PYROXD2: variants seen among roughly 807,000 people sequenced by gnomAD.
PYROXD2 encodes the protein pyridine nucleotide-disulfide oxidoreductase domain-containing protein 2.
A neutral mutation model predicts 71.1 loss-of-function variants in PYROXD2; 69 were observed. That is an observed-to-expected ratio of 0.97 (90% confidence interval 0.80 to 1.19). The LOEUF (loss-of-function observed/expected upper bound fraction) is 1.19. Among genes scored for constraint, PYROXD2 ranks in the 50% most tolerant of loss-of-function variants. The pLI is 0.00. For missense variants in PYROXD2, 745 were observed against 748.9 expected (o/e 0.99, Z 0.06); for synonymous variants, 287 against 302.7 (o/e 0.95, Z 0.54).
intron 4 of PYROXD2, among the ~76,000 whole-genome samples, chr10:98,406,086 G>A (rs922451415): frequency 6.6e-6 from 1 of 152,182 alleles, no homozygotes; most frequent in African/African-American, 2.4e-5. Context: ...AAAACAAGGT[G>A]CTCCAGATGG....
At chr10:98,386,546 C>CTTTTTT (rs112385802) in intron 14 of PYROXD2, among the ~76,000 whole-genome samples, 153 of 147,808 alleles carry the variant, frequency 1.0e-3, no homozygotes, top group African/African-American at 3.7e-3. Flanking sequence ...CTTTCTTTTG[C>CTTTTTT]TTTTTTTTTA....
intron 2 of PYROXD2, among the ~76,000 whole-genome samples, chr10:98,410,422 C>G (rs1843745783): frequency 6.6e-6 from 1 of 152,194 alleles, no homozygotes; most frequent in Admixed American, 6.5e-5. Context: ...GGACAGGGCA[C>G]AGGCCCTTCT....
intron 6 of PYROXD2, among the ~76,000 whole-genome samples, chr10:98,396,128 T>C (rs1353670555): frequency 6.6e-6 from 1 of 152,214 alleles, no homozygotes; most frequent in Admixed American, 6.5e-5. Flanking sequence ...AATGTATAAG[T>C]CTGCAGTGCC....
chr10:98,404,741 C>T (rs1843536863), intron 4 of PYROXD2, among the ~76,000 whole-genome samples: 1 of 151,870 alleles, frequency 6.6e-6, no homozygotes, highest in Admixed American at 6.6e-5. Flanking sequence ...GTGTGGTTCT[C>T]AAAGTTATGT....
chr10:98,389,645 C>T (rs770615391), intron 12 of PYROXD2, among the ~76,000 whole-genome samples: 5 of 152,160 alleles, frequency 3.3e-5, no homozygotes, highest in East Asian at 1.9e-4. Context: ...TCTGTCTGGA[C>T]GTTTTTTCCC....
At chr10:98,413,115 A>T (rs1843843535) in intron 1 of PYROXD2, among the ~76,000 whole-genome samples, 1 of 152,248 alleles carries the variant, frequency 6.6e-6, no homozygotes, top group Admixed American at 6.5e-5. Flanking sequence ...ACATATCTGC[A>T]TGGTGGACAC....
Position 98,388,501 on chromosome 10 carries a change from TCA to T in PYROXD2, c.1298_1299del (p.Val433AspfsTer2). 6.2e-7 allele frequency: 1 copy of T among 1,603,894 alleles called. No homozygotes were observed. Among genetic ancestry groups the T allele is most frequent in the South Asian group, 1.1e-5 (1 of 89,144 alleles). The stretch of plus-strand genomic sequence containing the variant: ...AGCGAGGAAGGGATGCAGAGCTCAA[TCA>T]CAGGCCTGTGCGGGCAGGGAGGAGA... ...AMDGLPSHRP[V>X]IELCIPSSLD... On this transcript the variant is annotated frameshift_variant, in exon 13 of 16. Transcript: ENST00000370575. LOFTEE classifies it high-confidence loss of function.
chr10:98,391,441 A>G (rs1384828495), intron 10 of PYROXD2, among the ~76,000 whole-genome samples: 1 of 152,168 alleles, frequency 6.6e-6, no homozygotes, highest in Non-Finnish European at 1.5e-5. Context: ...ATGTTTGTTG[A>G]ATTTTAGTAA....
Position 98,391,086 on chromosome 10 carries a change from G to T in PYROXD2, c.1063-4C>A. ...GGAACTCCTCAGGAAGCCACTCCTG[G>T]AAGGAGAAGGCTCCATGAAAGGCCT... On this transcript the variant is annotated splice_polypyrimidine_tract_variant and splice_region_variant and intron_variant, in intron 10 of 15. Coordinates refer to ENST00000370575, the MANE Select transcript of PYROXD2 (RefSeq NM_032709.3). The T allele has an allele frequency of 6.2e-7, 1 of 1,601,474 alleles. No individual in the cohort carries two copies. The highest frequency in any genetic ancestry group is 8.6e-7 in the Non-Finnish European group (1 of 1,168,774).
intron 1 of PYROXD2, 131 bp downstream of exon 1, chr10:98,414,878 T>C: frequency 2.2e-6 from 3 of 1,365,628 alleles, no homozygotes; most frequent in East Asian, 2.5e-5. Flanking sequence ...TGCTAGCGTA[T>C]AAACTTCTGG....
intron 1 of PYROXD2, among the ~76,000 whole-genome samples, chr10:98,413,677 G>A (rs977782181): frequency 2.6e-5 from 4 of 152,146 alleles, no homozygotes; most frequent in Non-Finnish European, 4.4e-5. Flanking sequence ...TTGCGCCGCT[G>A]CACTCCAGCC....
intron 1 of PYROXD2, among the ~76,000 whole-genome samples, chr10:98,413,132 C>T (rs1262508910): frequency 6.6e-6 from 1 of 152,222 alleles, no homozygotes. Flanking sequence ...ACACACTATA[C>T]AATGATGTGC....
chr10:98,411,097 C>CCG, intron 1 of PYROXD2, 139 bp from the exon 2 acceptor site: 1 of 1,222,680 alleles, frequency 8.2e-7, no homozygotes, highest in East Asian at 2.6e-5. Flanking sequence ...CCTTCCCGCA[C>CCG]TCAGATGTTG....
intron 2 of PYROXD2, among the ~76,000 whole-genome samples, chr10:98,408,952 A>C (rs760361596): frequency 1.4e-4 from 22 of 152,212 alleles, no homozygotes; most frequent in Non-Finnish European, 8.8e-5. Flanking sequence ...CCTCAGGCTC[A>C]CAGAGCTGAT....
chr10:98,392,081 A>G (rs1003727924), intron 10 of PYROXD2, among the ~76,000 whole-genome samples: 6 of 152,190 alleles, frequency 3.9e-5, no homozygotes, highest in Non-Finnish European at 7.3e-5. Context: ...ATAATCATGG[A>G]TAATATAACA....
rs929823856 is a variant in PYROXD2 at position 98,392,627 on chromosome 10, C to G, written c.928-61G>C. On this transcript the variant is annotated intron_variant, in intron 9 of 15. Transcript: ENST00000370575. ...GGAAGGGAAATCCATGTTAGATCTT[C>G]CGGGATTTCCATGGTCTGTGCTGCT... 5.0e-6 allele frequency: 8 copies of G among 1,592,602 alleles called. No individual in the cohort carries two copies. The African/African-American group carries it at 8.0e-5, about 16-fold the overall frequency.
chr10:98,387,521 C>T (rs1842793439), intron 13 of PYROXD2, among the ~76,000 whole-genome samples: 1 of 152,188 alleles, frequency 6.6e-6, no homozygotes, highest in South Asian at 2.1e-4. Context: ...TAGGCCAGTC[C>T]AGTCCCCAGT....
chr10:98,407,512 C>T lies in PYROXD2; in HGVS notation c.315+70G>A, dbSNP rs115931038. 7.3e-5 allele frequency: 116 copies of T among 1,582,016 alleles called. No individual in the cohort carries two copies. In the African/African-American group the frequency reaches 1.4e-3, roughly 20 times the overall value. ...ATCACCTCGGGCACAGAACAGGGAC[C>T]CCCCACACAGGTTGGGAAGATGGAA... is the stretch of plus-strand genomic sequence containing the variant. On this transcript the variant is annotated intron_variant, in intron 4 of 15. Coordinates refer to ENST00000370575, the MANE Select transcript of PYROXD2 (RefSeq NM_032709.3).
chr10:98,400,389 T>C (rs1843353493), intron 4 of PYROXD2, 132 bp from the exon 5 acceptor site: 2 of 826,366 alleles, frequency 2.4e-6, no homozygotes, highest in Non-Finnish European at 3.6e-6. Context: ...TCCTGGTGTC[T>C]GTTTTTTAAA....
Sources: allele counts gnomAD v4.1 joint callset (sites outside exome capture counted in the v4.1 genomes callset), GRCh38; gene constraint gnomAD v4.1.1; transcripts MANE v1.5; gene names NCBI Gene and HGNC (gene_info 2026-07-23, HGNC 2026-07-21).